Variants in DLG1 observed in about 807,000 individuals in gnomAD.
DLG1 encodes disks large homolog 1.
DLG1 carries 42 observed loss-of-function variants against 123.4 expected under a neutral mutation model. The observed-to-expected ratio is 0.34, with a 90% confidence interval of 0.27 to 0.44. The LOEUF (loss-of-function observed/expected upper bound fraction) is 0.44, where lower values mean the gene tolerates loss of function less well. Ranked by LOEUF, DLG1 falls within the 20% of genes least tolerant of loss-of-function variation. The pLI is 1.00. For synonymous variants in DLG1, 317 were observed against 356.2 expected (o/e 0.89, Z 1.24); for missense variants, 942 against 1,082.6 (o/e 0.87, Z 1.82).
chr3:197,275,182 T>C (rs1457784284), intron 4 of DLG1, among the ~76,000 whole-genome samples: 2 of 99,448 alleles, frequency 2.0e-5, no homozygotes, highest in Admixed American at 1.1e-4. Context: ...CAAGACTCTG[T>C]CTCAAAAAAA....
chr3:197,183,929 T>C (rs1714169901), intron 5 of DLG1: 3 of 1,439,572 alleles, frequency 2.1e-6, no homozygotes. Context: ...TCAGTGAAAA[T>C]AAAAACCTTG....
chr3:197,253,885 T>C (rs920802995), intron 4 of DLG1, among the ~76,000 whole-genome samples: 12 of 151,266 alleles, frequency 7.9e-5, no homozygotes, highest in African/African-American at 2.9e-4. Flanking sequence ...TTTACAAACA[T>C]ACATGTATCT....
chr3:197,048,596 G>A (rs1483989021), intron 24 of DLG1, among the ~76,000 whole-genome samples: 1 of 152,192 alleles, frequency 6.6e-6, no homozygotes, highest in African/African-American at 2.4e-5. Context: ...CTGTTGGTGG[G>A]AATGTAAATG....
At chr3:197,088,598 G>A (rs554974141) in intron 15 of DLG1, among the ~76,000 whole-genome samples, 1 of 152,184 alleles carries the variant, frequency 6.6e-6, no homozygotes, top group Non-Finnish European at 1.5e-5. Flanking sequence ...AAAGGAAATA[G>A]AATAATGGCA....
At chr3:197,056,445 C>G (rs1731741311) in intron 23 of DLG1, among the ~76,000 whole-genome samples, 1 of 151,972 alleles carries the variant, frequency 6.6e-6, no homozygotes, top group South Asian at 2.1e-4. Context: ...CTATATAGTC[C>G]CTTCCAGGTT....
intron 4 of DLG1, among the ~76,000 whole-genome samples, chr3:197,228,230 A>G (rs3010111): frequency 0.56 from 85,512 of 151,980 alleles, 24,600 homozygotes; most frequent in East Asian, 0.79. Context: ...GTGCACATGG[A>G]GGATTTGTCT....
At chr3:197,229,544 G>A (rs1741778385) in intron 4 of DLG1, among the ~76,000 whole-genome samples, 1 of 148,624 alleles carries the variant, frequency 6.7e-6, no homozygotes, top group African/African-American at 2.5e-5. Flanking sequence ...AATAATTTTT[G>A]CCCAGATAAC....
intron 14 of DLG1, among the ~76,000 whole-genome samples, chr3:197,097,287 A>G (rs1183123691): frequency 1.3e-5 from 2 of 152,148 alleles, no homozygotes; most frequent in African/African-American, 2.4e-5. Flanking sequence ...AAACTCTTAT[A>G]GTTCACTTGG....
rs146841753 is a variant in DLG1 at position 197,245,078 on chromosome 3, G to A, written c.318+37601C>T. Reference sequence around the variant, plus strand: ...AAGGCACTTGGTCCATGATAATCGAGTTTTTAAAACTAATTTGGTTAGATG... The same window carrying A: ...AAGGCACTTGGTCCATGATAATCGAATTTTTAAAACTAATTTGGTTAGATG... On this transcript the variant is annotated intron_variant, in intron 4 of 24. Transcript: ENST00000667157. Among the ~76,000 whole-genome samples the A allele has an allele frequency of 2.4e-3, 361 of 152,236 alleles. 8 individuals carry two copies. The East Asian group carries it at 0.037, about 16-fold the overall frequency.
At position 197,282,766 on chromosome 3, in the gene DLG1, T is replaced by A; in HGVS notation, c.231A>T (p.Gln77His). ...IDRSKPSEPIQPVNTWEISSL... is the reference protein window; with the variant it reads ...IDRSKPSEPIHPVNTWEISSL... ...TGGAAATCTCCCAAGTATTCACAGG[T>A]TGAATTGGTTCAGACGGCTTTGAAC... The change falls in exon 4 of 25, where the codon CAA becomes CAT. Residue 77 changes from glutamine (Q) to histidine (H), a missense_variant. Physicochemically the swap from Gln to His is conservative, Grantham distance 24. Transcript: ENST00000667157. The A allele has an allele frequency of 6.2e-7, 1 of 1,612,212 alleles. No individual in the cohort carries two copies. Among genetic ancestry groups the A allele is most frequent in the Non-Finnish European group, 8.5e-7 (1 of 1,178,916 alleles).
chr3:197,156,227 T>C (rs1301168239), intron 5 of DLG1, among the ~76,000 whole-genome samples: 1 of 152,168 alleles, frequency 6.6e-6, no homozygotes, highest in Non-Finnish European at 1.5e-5. Flanking sequence ...GCAGTTAAGC[T>C]TGTACAAATT....
chr3:197,095,755 T>C (rs1001296004), intron 14 of DLG1, among the ~76,000 whole-genome samples: 3 of 152,232 alleles, frequency 2.0e-5, no homozygotes, highest in Non-Finnish European at 2.9e-5. Context: ...AATTAATTCA[T>C]TTATTTATAT....
chr3:197,282,941 CTAGAT>C, intron 3 of DLG1, 96 bp from the exon 4 acceptor site: 1 of 650,522 alleles, frequency 1.5e-6, no homozygotes, highest in Non-Finnish European at 2.5e-6. Flanking sequence ...AATTTTTACT[CTAGAT>C]TAGTAAATCA....
chr3:197,085,488 G>C, intron 16 of DLG1, 92 bp downstream of exon 16: 1 of 1,294,030 alleles, frequency 7.7e-7, no homozygotes, highest in Non-Finnish European at 1.1e-6. Flanking sequence ...ATGCACTCCA[G>C]GTCCATCCAT....
chr3:197,219,244 G>T (rs577279791), intron 4 of DLG1, among the ~76,000 whole-genome samples: 1 of 152,138 alleles, frequency 6.6e-6, no homozygotes, highest in African/African-American at 2.4e-5. Context: ...TTCTTTGGTA[G>T]TAGCAAATAG....
chr3:197,276,620 A>G (rs1579204685), intron 4 of DLG1, among the ~76,000 whole-genome samples: 1 of 152,260 alleles, frequency 6.6e-6, no homozygotes, highest in Non-Finnish European at 1.5e-5. Context: ...CTTAGTTTCT[A>G]TAAGAAGTTT....
At chr3:197,251,591 A>T (rs1754476713) in intron 4 of DLG1, among the ~76,000 whole-genome samples, 1 of 152,198 alleles carries the variant, frequency 6.6e-6, no homozygotes, top group Admixed American at 6.5e-5. Flanking sequence ...CATATGCATA[A>T]GAATGAATGA....
At chr3:197,059,160 C>T (rs113590536) in intron 23 of DLG1, among the ~76,000 whole-genome samples, 2 of 152,122 alleles carry the variant, frequency 1.3e-5, no homozygotes, top group African/African-American at 2.4e-5. Context: ...CTCCTGACCT[C>T]GTGATCTGCC....
At chr3:197,274,562 A>G (rs909759069) in intron 4 of DLG1, among the ~76,000 whole-genome samples, 15 of 138,880 alleles carry the variant, frequency 1.1e-4, no homozygotes, top group African/African-American at 3.6e-4. Flanking sequence ...GATGTTGGTC[A>G]GGGCAAGTAT....
Sources: allele counts gnomAD v4.1 joint callset (sites outside exome capture counted in the v4.1 genomes callset), GRCh38; gene constraint gnomAD v4.1.1; transcripts MANE v1.5; gene names NCBI Gene and HGNC (gene_info 2026-07-23, HGNC 2026-07-21).